Variants in ETV4 observed in about 807,000 individuals in gnomAD.
The protein encoded by ETV4 is ETS translocation variant 4.
ETV4 carries 42 observed loss-of-function variants against 65.9 expected under a neutral mutation model. That is an observed-to-expected ratio of 0.64 (90% CI 0.50 to 0.82). ETV4 has a LOEUF of 0.82. Among genes scored for constraint, ETV4 ranks in the 40% least tolerant of loss-of-function variants. ETV4 has a pLI of 0.00. For missense variants in ETV4, 583 were observed against 630.3 expected, an observed-to-expected ratio of 0.92 and a Z score of 0.80; for synonymous variants, 238 against 260.0, an observed-to-expected ratio of 0.92 and a Z score of 0.81.
chr17:43,535,909 GAGACCATCC>G (rs1375406628), intron 5 of ETV4, among the ~76,000 whole-genome samples: 3 of 152,162 alleles, frequency 2.0e-5, no homozygotes, highest in African/African-American at 7.2e-5. Flanking sequence ...TCAGGAATTC[GAGACCATCC>G]TGGCCAACAT....
In ETV4 at chr17:43,528,497, C is replaced by A; in HGVS notation, c.*22G>T. 1 of 1,537,178 alleles carries A rather than the reference C, an allele frequency of 6.5e-7. No homozygotes were observed. Among genetic ancestry groups the A allele is most frequent in the Non-Finnish European group, 8.9e-7 (1 of 1,123,554 alleles). On this transcript the variant is annotated 3_prime_UTR_variant, in exon 13 of 13. Transcript: ENST00000319349. ...TACACAGGGCAGCACCCACCTGCGG[C>A]AGGGGGAACAGCCGCTGGGGGCTAG...
chr17:43,528,665 G>A lies in ETV4; in HGVS notation c.1309C>T (p.Arg437Cys), dbSNP rs34260468. 0.012 allele frequency: 18,748 copies of A among 1,614,178 alleles called. 147 individuals carry two copies. Among genetic ancestry groups the A allele is most frequent in the Middle Eastern group, 0.015 (90 of 6,062 alleles). ...LFSLAFPDNQRPALKAEFDRP... is the reference protein window; with the variant it reads ...LFSLAFPDNQCPALKAEFDRP... ...TCAAACTCAGCCTTGAGAGCTGGAC[G>A]CTGATTGTCCGGGAAGGCCAAAGAG... The change falls in exon 13 of 13, where the codon CGT (arginine) becomes TGT (cysteine). Residue 437 changes from arginine to cysteine, a missense_variant. Arg to Cys is a radical substitution (Grantham distance 180). Transcript: ENST00000319349.
chr17:43,544,810 G>C, intron 4 of ETV4, 165 bp downstream of exon 4: 2 of 644,748 alleles, frequency 3.1e-6, no homozygotes. Flanking sequence ...CACGCTGGGT[G>C]CTGGGGTGAG....
intron 3 of ETV4, 119 bp downstream of exon 3, chr17:43,545,155 G>C: frequency 7.8e-7 from 1 of 1,276,058 alleles, no homozygotes. Context: ...CTTGGAGGGC[G>C]AGTTTTTTGG....
chr17:43,535,958 A>G (rs1971221340), intron 5 of ETV4, among the ~76,000 whole-genome samples: 1 of 152,166 alleles, frequency 6.6e-6, no homozygotes, highest in African/African-American at 2.4e-5. Context: ...TAAAAATACA[A>G]AAATTAGCTG....
chr17:43,545,932 A>AACGT, intron 1 of ETV4: 1 of 396,410 alleles, frequency 2.5e-6, no homozygotes, highest in Non-Finnish European at 4.6e-6. Flanking sequence ...GTTACATAAG[A>AACGT]ACGTGTGTGT....
chr17:43,532,940 C>T lies in ETV4; in HGVS notation c.546-1G>A. Reference sequence around the variant, plus strand: ...GTCCAGGGGCTGCTGGAAGACGGAGCTGGATGTGGTTGGATGGAGAAGGAA... The same window carrying T: ...GTCCAGGGGCTGCTGGAAGACGGAGTTGGATGTGGTTGGATGGAGAAGGAA... On this transcript the variant is annotated splice_acceptor_variant, in intron 7 of 12. Coordinates refer to ENST00000319349, the MANE Select transcript of ETV4 (RefSeq NM_001079675.5). LOFTEE classifies it high-confidence loss of function. 6.4e-7 allele frequency: 1 copy of T among 1,563,340 alleles called. No individual in the cohort carries two copies.
intron 8 of ETV4, among the ~76,000 whole-genome samples, chr17:43,530,771 A>G (rs1001273887): frequency 6.6e-6 from 1 of 152,068 alleles, no homozygotes; most frequent in Non-Finnish European, 1.5e-5. Context: ...CCCACTCCAC[A>G]TCGGGAAGGC....
At chr17:43,530,523 G>T (rs954354357) in intron 8 of ETV4, 2 of 995,360 alleles carry the variant, frequency 2.0e-6, no homozygotes, top group African/African-American at 1.6e-5. Context: ...TCCGGGGAAA[G>T]AGTTCGGTGT....
At chr17:43,529,380 GGCAAGAATTCAGGTTAGGTAAA>G (rs1280943743) in intron 11 of ETV4, 102 bp downstream of exon 11, 1 of 1,414,380 alleles carries the variant, frequency 7.1e-7, no homozygotes, top group African/African-American at 1.4e-5. Flanking sequence ...ACTTAGGCTT[GGCAAGAATTCAGGTTAGGTAAA>G]GCAAGAATCA....
intron 5 of ETV4, among the ~76,000 whole-genome samples, chr17:43,535,249 G>A (rs1374984664): frequency 6.6e-6 from 1 of 152,072 alleles, no homozygotes; most frequent in East Asian, 1.9e-4. Flanking sequence ...TGACAGCAAA[G>A]TATCTGACAT....
chr17:43,537,875 TCC>T (rs1416508351), intron 4 of ETV4, among the ~76,000 whole-genome samples: 3 of 152,152 alleles, frequency 2.0e-5, no homozygotes, highest in African/African-American at 2.4e-5. Context: ...ACGCCTGTAA[TCC>T]CAGCACTTTG....
At chr17:43,539,065 A>G (rs572811979) in intron 4 of ETV4, among the ~76,000 whole-genome samples, 3 of 152,136 alleles carry the variant, frequency 2.0e-5, no homozygotes, top group Non-Finnish European at 2.9e-5. Context: ...CTTACCTCCT[A>G]TGGTCCCTTG....
chr17:43,529,721 T>C (rs1567706454), intron 10 of ETV4, 45 bp from the exon 11 acceptor site: 1 of 1,591,860 alleles, frequency 6.3e-7, no homozygotes. Context: ...TGTCTTTTGG[T>C]CCCCCAAGCA....
At chr17:43,544,240 C>T in intron 4 of ETV4, 1 of 152,842 alleles carries the variant, frequency 6.5e-6, no homozygotes, top group Non-Finnish European at 1.5e-5. Context: ...ACACCACTTC[C>T]CCATCAGACC....
In ETV4 at chr17:43,544,975, C is replaced by T. The variant is rs781638164; in HGVS notation, c.202G>A (p.Ala68Thr). Reference sequence around the variant, plus strand: ...TAGAAAAGGTCACAAAACTACTCACCTTCAGCGAGCCACGTCTCCTGGAAG... The same window carrying T: ...TAGAAAAGGTCACAAAACTACTCACTTTCAGCGAGCCACGTCTCCTGGAAG... ...SHFQETWLAE[A>T]QVPDSDEQFV... The change falls in exon 4 of 13, where the codon GCT (alanine) becomes ACT (threonine). Residue 68 changes from alanine (A) to threonine (T), a missense_variant and splice_region_variant. Coordinates refer to ENST00000319349, the MANE Select transcript of ETV4 (RefSeq NM_001079675.5). 2 of 1,613,882 alleles carry T rather than the reference C, an allele frequency of 1.2e-6. No individual in the cohort carries two copies. Among genetic ancestry groups the T allele is most frequent in the African/African-American group, 1.3e-5 (1 of 74,878 alleles).
chr17:43,529,175 C>G lies in ETV4; in HGVS notation c.1190G>C (p.Arg397Pro), dbSNP rs765893929. ...RPAMNYDKLS[R>P]SLRYYYEKGI... ...TTTCTCATAATAGTATCGGAGCGAGCGGCTCAGCTTGTCGTAATTCATGGC... is the reference window on the plus strand; with the variant it reads ...TTTCTCATAATAGTATCGGAGCGAGGGGCTCAGCTTGTCGTAATTCATGGC... The change falls in exon 12 of 13, where the codon CGC (arginine) becomes CCC (proline). Residue 397 changes from arginine (R) to proline (P), a missense_variant. Coordinates refer to ENST00000319349, the MANE Select transcript of ETV4 (RefSeq NM_001079675.5). 1 of 1,613,814 alleles carries G rather than the reference C, an allele frequency of 6.2e-7. No homozygotes were observed. The highest frequency in any genetic ancestry group is 8.5e-7 in the Non-Finnish European group (1 of 1,179,992).
chr17:43,534,101 C>G, intron 5 of ETV4, 116 bp from the exon 6 acceptor site: 2 of 1,142,700 alleles, frequency 1.8e-6, no homozygotes, highest in Non-Finnish European at 2.3e-6. Context: ...AGCCTCCTTC[C>G]CTCTCTGGGT....
At chr17:43,541,810 A>T (rs1195314230) in intron 4 of ETV4, among the ~76,000 whole-genome samples, 1 of 152,044 alleles carries the variant, frequency 6.6e-6, no homozygotes, top group Non-Finnish European at 1.5e-5. Flanking sequence ...TGTGGAGGGG[A>T]CATATTTGTC....
Sources: gnomAD v4.1 joint callset for allele counts (sites outside exome capture counted in the v4.1 genomes callset) on GRCh38, gnomAD v4.1.1 for gene constraint, MANE v1.5 for transcripts, NCBI Gene and HGNC (gene_info 2026-07-23, HGNC 2026-07-21) for gene names.